SLC2A11: variants seen among roughly 807,000 people sequenced by gnomAD.
The protein encoded by SLC2A11 is solute carrier family 2, facilitated glucose transporter member 11.
SLC2A11 carries 43 observed loss-of-function variants against 52.1 expected under a neutral mutation model. The ratio of observed to expected loss-of-function variants is 0.82; its 90% CI spans 0.65 to 1.06. The LOEUF is 1.06. SLC2A11 is among the 50% of genes least tolerant of loss of function. The probability of loss-of-function intolerance (pLI) is 0.00; values close to 1 mark genes in which losing one functional copy is unlikely to be tolerated. For missense variants in SLC2A11, 582 were observed against 654.2 expected, an observed-to-expected ratio of 0.89 and a Z score of 1.20; for synonymous variants, 261 against 277.6, an observed-to-expected ratio of 0.94 and a Z score of 0.59.
Position 23,884,751 on chromosome 22 carries a change from C to G in SLC2A11, c.1402C>G (p.Gln468Glu), listed in dbSNP as rs772563155. ...FLPETKGKTF[Q>E]EISKELHRLN... Reference sequence around the variant, plus strand: ...TCCTGAGACCAAAGGCAAGACCTTCCAAGAGATCTCCAAGGAATTACACAG... The same window carrying G: ...TCCTGAGACCAAAGGCAAGACCTTCGAAGAGATCTCCAAGGAATTACACAG... Residue 468 changes from glutamine to glutamate, a missense_variant, in exon 12 of 12, where the codon CAA (glutamine) becomes GAA (glutamate). Coordinates refer to ENST00000316185, the MANE Select transcript of SLC2A11 (RefSeq NM_001024939.4). The surrounding 1 kb of genome is among the most constrained non-coding windows in gnomAD (Gnocchi z 4.3). 1.2e-5 allele frequency: 19 copies of G among 1,614,108 alleles called. No individual in the cohort carries two copies. The South Asian group carries it at 2.0e-4, about 17-fold the overall frequency.
chr22:23,875,087 T>C (rs1239475361), intron 3 of SLC2A11, 30 bp from the exon 4 acceptor site: 2 of 1,524,776 alleles, frequency 1.3e-6, no homozygotes, highest in Non-Finnish European at 1.8e-6. Flanking sequence ...AATCACAGCC[T>C]CTCTTTCTGT....
intron 8 of SLC2A11, 66 bp downstream of exon 8, chr22:23,882,935 A>T: frequency 7.2e-7 from 1 of 1,391,854 alleles, no homozygotes; most frequent in Non-Finnish European, 1.0e-6. Context: ...CCTCTGCATT[A>T]AACCAGTTTA....
rs920304868 is a variant in SLC2A11, at chr22:23,876,348, G to A, written c.416-694G>A. On this transcript the variant is annotated intron_variant, in intron 4 of 11. Coordinates refer to ENST00000316185, the MANE Select transcript of SLC2A11 (RefSeq NM_001024939.4). ...TTGTAGGAAGAGCAGGGGCACCTCC[G>A]AGACTCCTTGGCAATCAGCATAGCT... Among the ~76,000 whole-genome samples the A allele has an allele frequency of 5.3e-5, 8 of 152,228 alleles. No individual in the cohort carries two copies. In the East Asian group the frequency reaches 1.4e-3, roughly 26 times the overall value.
At chr22:23,860,749 C>T (rs1256227512) in intron 1 of SLC2A11, among the ~76,000 whole-genome samples, 3 of 144,518 alleles carry the variant, frequency 2.1e-5, no homozygotes. Flanking sequence ...TTTTTTGAGA[C>T]GGAGTCTCAC....
Position 23,884,184 on chromosome 22 carries a change from T to G in SLC2A11, c.1172-118T>G. The G allele has an allele frequency of 6.7e-7, 1 of 1,486,248 alleles. No individual in the cohort carries two copies. The highest frequency in any genetic ancestry group is 8.9e-7 in the Non-Finnish European group (1 of 1,117,694). The allele number at this position is 1,486,248 out of a possible 1,614,324, so 92.1% of individuals were successfully genotyped here. A position where few individuals can be genotyped will look rare whatever the true frequency, so the allele number is the denominator to read the frequency against. On this transcript the variant is annotated intron_variant, in intron 10 of 11. Transcript: ENST00000316185. This position sits in a 1 kb window ranked among gnomAD's most constrained non-coding sequence, Gnocchi z 4.3. ...GGAGGGAATGGCAGGAGGAGAGCAC[T>G]GAGGGGCCCCCCATACAGACTGGGC... is the stretch of plus-strand genomic sequence containing the variant.
At chr22:23,859,429 C>T (rs942854153) in intron 1 of SLC2A11, among the ~76,000 whole-genome samples, 3 of 152,222 alleles carry the variant, frequency 2.0e-5, no homozygotes, top group African/African-American at 7.2e-5. Flanking sequence ...GAAAGCACAG[C>T]TGTCTCTTTC....
Position 23,883,940 on chromosome 22 carries a change from C to G in SLC2A11, c.1096-9C>G, listed in dbSNP as rs1426168304. 2 of 1,612,594 alleles carry G rather than the reference C, an allele frequency of 1.2e-6. No homozygotes were observed. Among genetic ancestry groups the G allele is most frequent in the African/African-American group, 2.7e-5 (2 of 74,878 alleles). ...GACTTCCACCTCACCCCCGCCCCGT[C>G]CACGGCAGAGCTCCTTCCCCTGGAC... is the stretch of plus-strand genomic sequence containing the variant. On this transcript the variant is annotated splice_polypyrimidine_tract_variant and intron_variant, in intron 9 of 11. Coordinates refer to ENST00000316185, the MANE Select transcript of SLC2A11 (RefSeq NM_001024939.4).
At chr22:23,875,379 C>T (rs1034755912) in intron 4 of SLC2A11, 138 bp downstream of exon 4, 27 of 1,030,128 alleles carry the variant, frequency 2.6e-5, no homozygotes, top group Non-Finnish European at 3.4e-5. Context: ...ACCTTTGTCA[C>T]AAAAGGATGT....
Position 23,882,857 on chromosome 22 carries a change from G to A in SLC2A11, c.981G>A (p.Thr327=), listed in dbSNP as rs559939883. The change falls in exon 8 of 12, where the codon ACG becomes ACA. Residue 327 remains threonine (T), a synonymous_variant. Coordinates refer to ENST00000316185, the MANE Select transcript of SLC2A11 (RefSeq NM_001024939.4). ...GGACTGGGAGCTGCGAGCTGCTCAC[G>A]GCGGTTGTTAGTGTGAGTCTGGAGG... is the stretch of plus-strand genomic sequence containing the variant. ...IIGTGSCELL[T]AVVSCVVIER... 7.4e-6 allele frequency: 12 copies of A among 1,611,604 alleles called. No individual in the cohort carries two copies. The highest frequency in any genetic ancestry group is 5.3e-5 in the African/African-American group (4 of 74,974).
At chr22:23,857,623 C>A, upstream of SLC2A11, 2 of 1,020,476 alleles carry the variant, frequency 2.0e-6, no homozygotes, top group South Asian at 1.3e-5. Flanking sequence ...CTGGGGCGAA[C>A]TCCCCAGCAC....
At chr22:23,862,069 T>C (rs764841062) in intron 1 of SLC2A11, 35 bp from the exon 2 acceptor site, 2 of 1,579,414 alleles carry the variant, frequency 1.3e-6, no homozygotes, top group South Asian at 2.2e-5. Context: ...TGGAGGCTGT[T>C]GTTGGTCACT....
intron 1 of SLC2A11, among the ~76,000 whole-genome samples, chr22:23,858,717 T>A (rs148336733): frequency 0.011 from 1,686 of 152,202 alleles, 16 homozygotes; most frequent in Middle Eastern, 0.017. Flanking sequence ...AAAAATAAAA[T>A]AAAATAAAAT....
intron 3 of SLC2A11, 140 bp downstream of exon 3, chr22:23,868,781 G>A (rs779697261): frequency 2.7e-5 from 27 of 1,008,586 alleles, no homozygotes; most frequent in Non-Finnish European, 3.7e-5. Context: ...TACTCTGCCT[G>A]GAGTTTCACC....
chr22:23,857,056 A>C, upstream of SLC2A11: 5 of 657,954 alleles, frequency 7.6e-6, no homozygotes, highest in Non-Finnish European at 1.2e-5. Flanking sequence ...GGATACCTGA[A>C]CCAAAGTGTG....
At chr22:23,875,007 T>G in intron 3 of SLC2A11, 110 bp from the exon 4 acceptor site, 2 of 1,251,570 alleles carry the variant, frequency 1.6e-6, no homozygotes, top group Non-Finnish European at 2.1e-6. Flanking sequence ...TACATACATT[T>G]GTGTGTGTGT....
chr22:23,858,661 T>C (rs1428766105), intron 1 of SLC2A11, among the ~76,000 whole-genome samples: 4 of 152,054 alleles, frequency 2.6e-5, no homozygotes, highest in Admixed American at 2.6e-4. Context: ...ATCTCACCAC[T>C]GCACTCCAGC....
In SLC2A11 at chr22:23,882,773, C is replaced by G; in HGVS notation, c.897C>G (p.Ala299=). The change falls in exon 8 of 12, where the codon GCC becomes GCG. Residue 299 remains alanine (A), a synonymous_variant. Transcript: ENST00000316185. ...CCCTCTCCCAGGTGTACGCCTACGC[C>G]TCCTCCGTGTTCCGGAAGGCAGGAG... ...LCGNDSVYAY[A]SSVFRKAGVP... is the part of the protein sequence containing the mutation. 2 of 1,613,104 alleles carry G rather than the reference C, an allele frequency of 1.2e-6. No homozygotes were observed. The highest frequency in any genetic ancestry group is 1.7e-6 in the Non-Finnish European group (2 of 1,179,542).
chr22:23,862,018 A>G (rs2032085052), intron 1 of SLC2A11, 86 bp from the exon 2 acceptor site: 1 of 1,086,182 alleles, frequency 9.2e-7, no homozygotes, highest in Non-Finnish European at 1.4e-6. Flanking sequence ...ATTCAAATAA[A>G]TTGCAATGCT....
chr22:23,859,939 A>G (rs2031991339), intron 1 of SLC2A11, among the ~76,000 whole-genome samples: 1 of 152,250 alleles, frequency 6.6e-6, no homozygotes, highest in African/African-American at 2.4e-5. Context: ...TGCCAGAACA[A>G]GAAAGGCAGT....
Sources: allele counts gnomAD v4.1 joint callset (sites outside exome capture counted in the v4.1 genomes callset), GRCh38; gene constraint gnomAD v4.1.1; non-coding constraint Gnocchi (gnomAD v3.1); transcripts MANE v1.5; gene names NCBI Gene and HGNC (gene_info 2026-07-23, HGNC 2026-07-21).